RAPGEF6: variants seen among roughly 807,000 people sequenced by gnomAD.
RAPGEF6 encodes Rap guanine nucleotide exchange factor 6.
In RAPGEF6, 56 loss-of-function variants were observed where a neutral mutation model predicts 171.4. The ratio of observed to expected loss-of-function variants is 0.33; its 90% CI spans 0.26 to 0.41. RAPGEF6 has a LOEUF of 0.41. Ranked by LOEUF, RAPGEF6 falls within the 10% of genes least tolerant of loss-of-function variation. The pLI, the probability that RAPGEF6 is intolerant of heterozygous loss-of-function variation, is 1.00. For synonymous variants in RAPGEF6, 692 were observed against 650.1 expected (o/e 1.06, Z -0.98); for missense variants, 1,674 against 1,921.4 (o/e 0.87, Z 2.41).
intron 22 of RAPGEF6, among the ~76,000 whole-genome samples, chr5:131,445,682 A>C (rs1371251160): frequency 2.0e-5 from 3 of 152,090 alleles, no homozygotes; most frequent in Non-Finnish European, 4.4e-5. Context: ...TCTTGGGCTC[A>C]AGTGACCTGC....
intron 9 of RAPGEF6, 100 bp downstream of exon 9, chr5:131,507,971 C>CA: frequency 2.7e-6 from 3 of 1,107,754 alleles, no homozygotes; most frequent in Non-Finnish European, 3.7e-6. Flanking sequence ...GTATAAATTT[C>CA]AAAAATCAGT....
chr5:131,520,361 G>A (rs904175682), intron 7 of RAPGEF6, among the ~76,000 whole-genome samples: 15 of 152,152 alleles, frequency 9.9e-5, no homozygotes, highest in Admixed American at 6.5e-5. Flanking sequence ...ATATGCAAAA[G>A]TAATGTAAGG....
chr5:131,465,888 T>G (rs1440196583), intron 17 of RAPGEF6, among the ~76,000 whole-genome samples: 5 of 152,132 alleles, frequency 3.3e-5, no homozygotes, highest in African/African-American at 1.2e-4. Flanking sequence ...CTCAAGTAAT[T>G]ATACTGTTTG....
intron 4 of RAPGEF6, among the ~76,000 whole-genome samples, chr5:131,570,919 C>T (rs1762239525): frequency 1.3e-5 from 2 of 151,458 alleles, no homozygotes. Context: ...GCTTCCAACT[C>T]CCCACGTCTT....
chr5:131,542,741 CTT>C (rs1760238229), intron 6 of RAPGEF6, among the ~76,000 whole-genome samples: 1 of 152,112 alleles, frequency 6.6e-6, no homozygotes. Flanking sequence ...GGTCTTGAGA[CTT>C]TTGTTAAGAG....
intron 6 of RAPGEF6, among the ~76,000 whole-genome samples, chr5:131,525,107 G>A: frequency 6.6e-6 from 1 of 152,114 alleles, no homozygotes; most frequent in East Asian, 1.9e-4. Context: ...TTCAGTAGCA[G>A]TCTGAATAAG....
chr5:131,629,830 T>G (rs1766188108), intron 1 of RAPGEF6, among the ~76,000 whole-genome samples: 1 of 151,500 alleles, frequency 6.6e-6, no homozygotes, highest in Non-Finnish European at 1.5e-5. Flanking sequence ...ACTAAATTGC[T>G]GCAATCTCAT....
intron 19 of RAPGEF6, 32 bp from the exon 20 acceptor site, chr5:131,456,044 G>A: frequency 1.3e-6 from 2 of 1,580,024 alleles, no homozygotes; most frequent in Non-Finnish European, 1.7e-6. Context: ...ACATTAAAAA[G>A]AAACTTGGGG....
chr5:131,526,078 A>C (rs937953780), intron 6 of RAPGEF6, among the ~76,000 whole-genome samples: 4 of 152,180 alleles, frequency 2.6e-5, no homozygotes, highest in Admixed American at 2.0e-4. Flanking sequence ...TTGTGCCAGG[A>C]ACTCTGCTGA....
At chr5:131,427,362 A>G in intron 27 of RAPGEF6, 71 bp from the exon 28 acceptor site, 1 of 1,307,150 alleles carries the variant, frequency 7.7e-7, no homozygotes, top group Non-Finnish European at 1.1e-6. Context: ...CTAGTTATCT[A>G]TTTAGAAAAT....
chr5:131,451,687 G>A (rs897067339), intron 21 of RAPGEF6, among the ~76,000 whole-genome samples: 6 of 152,140 alleles, frequency 3.9e-5, no homozygotes, highest in Non-Finnish European at 8.8e-5. Context: ...TTCCAACTCT[G>A]GCTTTTAAAA....
intron 15 of RAPGEF6, among the ~76,000 whole-genome samples, chr5:131,488,766 C>T (rs1239417097): frequency 2.0e-5 from 3 of 152,172 alleles, no homozygotes; most frequent in African/African-American, 7.2e-5. Flanking sequence ...CAAATTGTAA[C>T]CTAAAAAACC....
intron 4 of RAPGEF6, among the ~76,000 whole-genome samples, chr5:131,589,462 C>T (rs1763461681): frequency 6.6e-6 from 1 of 152,076 alleles, no homozygotes. Flanking sequence ...GGTAAGAACT[C>T]CATTTGTATA....
At chr5:131,521,651 A>C (rs1758488123) in intron 6 of RAPGEF6, 130 bp from the exon 7 acceptor site, 1 of 718,424 alleles carries the variant, frequency 1.4e-6, no homozygotes, top group South Asian at 2.6e-5. Flanking sequence ...CTCTACTTTC[A>C]GCAAAAAGAT....
intron 27 of RAPGEF6, 142 bp from the exon 28 acceptor site, chr5:131,427,433 T>A: frequency 3.0e-6 from 2 of 668,238 alleles, no homozygotes; most frequent in South Asian, 3.9e-5. Context: ...ATTATAATAA[T>A]ACCTATGATT....
At chr5:131,434,540 G>C (rs1453921692) in intron 24 of RAPGEF6, among the ~76,000 whole-genome samples, 1 of 152,154 alleles carries the variant, frequency 6.6e-6, no homozygotes, top group Non-Finnish European at 1.5e-5. Flanking sequence ...TGCCCAGCCT[G>C]TTTCAGTTTT....
chr5:131,487,615 G>C (rs907357897), intron 15 of RAPGEF6, among the ~76,000 whole-genome samples: 12 of 152,060 alleles, frequency 7.9e-5, no homozygotes, highest in South Asian at 6.2e-4. Context: ...CCTAGACCCA[G>C]AGCGCTGATT....
intron 4 of RAPGEF6, among the ~76,000 whole-genome samples, chr5:131,586,691 A>G (rs1048607550): frequency 2.0e-5 from 3 of 152,238 alleles, no homozygotes; most frequent in African/African-American, 7.2e-5. Flanking sequence ...ATGCAAATCA[A>G]AACTATAAAA....
At chr5:131,527,189 C>T (rs1224881462) in intron 6 of RAPGEF6, among the ~76,000 whole-genome samples, 1 of 151,986 alleles carries the variant, frequency 6.6e-6, no homozygotes, top group Non-Finnish European at 1.5e-5. Flanking sequence ...GGGCAACTGC[C>T]TTAGTATACA....
Sources: allele counts gnomAD v4.1 joint callset (sites outside exome capture counted in the v4.1 genomes callset), GRCh38; gene constraint gnomAD v4.1.1; transcripts MANE v1.5; gene names NCBI Gene and HGNC (gene_info 2026-07-23, HGNC 2026-07-21).